Variants in NIM1K observed in about 807,000 individuals in gnomAD.
The protein encoded by NIM1K is NIM1 serine/threonine protein kinase.
In NIM1K, 35 loss-of-function variants were observed where a neutral mutation model predicts 37.1. The observed-to-expected ratio is 0.94, with a 90% confidence interval of 0.72 to 1.25. The LOEUF is 1.25. Among genes scored for constraint, NIM1K ranks in the 50% most tolerant of loss-of-function variants. The pLI, the probability that NIM1K is intolerant of heterozygous loss-of-function variation, is 0.00. For missense variants in NIM1K, 564 were observed against 548.0 expected (o/e 1.03, Z -0.29); for synonymous variants, 234 against 206.6 (o/e 1.13, Z -1.14).
chr5:43,232,470 C>G, intron 1 of NIM1K: 1 of 1,501,244 alleles, frequency 6.7e-7, no homozygotes, highest in Non-Finnish European at 9.3e-7. Flanking sequence ...ATGGAGGACA[C>G]AATTTGACCT....
chr5:43,258,446 T>C (rs1262969788), intron 2 of NIM1K, among the ~76,000 whole-genome samples: 1 of 146,282 alleles, frequency 6.8e-6, no homozygotes, highest in Non-Finnish European at 1.5e-5. Flanking sequence ...TTGGTAAACT[T>C]TTTTTTTTTT....
At chr5:43,202,502 G>T (rs1752045517) in intron 1 of NIM1K, among the ~76,000 whole-genome samples, 1 of 152,124 alleles carries the variant, frequency 6.6e-6, no homozygotes, top group African/African-American at 2.4e-5. Flanking sequence ...CAAAATGCGA[G>T]ATTAAAAAAT....
chr5:43,198,207 CTCTTTCTTTCTTTCTT>C (rs1176718462), intron 1 of NIM1K, among the ~76,000 whole-genome samples: 49 of 48,866 alleles, frequency 1.0e-3, no homozygotes, highest in Non-Finnish European at 1.5e-3. Flanking sequence ...TTCTTTCTTT[CTCTTTCTTTCTTTCTT>C]TCTTTCTTTC....
At chr5:43,269,861 A>T (rs1461792919) in intron 2 of NIM1K, among the ~76,000 whole-genome samples, 5 of 151,164 alleles carry the variant, frequency 3.3e-5, no homozygotes, top group African/African-American at 1.2e-4. Context: ...CTCGTGATCC[A>T]CCCCCCTTGG....
intron 1 of NIM1K, among the ~76,000 whole-genome samples, chr5:43,217,837 G>A (rs932899731): frequency 2.0e-5 from 3 of 150,012 alleles, no homozygotes; most frequent in Non-Finnish European, 4.4e-5. Context: ...TCAGCCTCCC[G>A]AGTACCTGGG....
intron 1 of NIM1K, among the ~76,000 whole-genome samples, chr5:43,241,396 C>T (rs1450110399): frequency 8.1e-5 from 12 of 148,186 alleles, no homozygotes; most frequent in African/African-American, 3.0e-4. Context: ...GTTGTGCTAT[C>T]TCGGCACTCG....
In NIM1K at chr5:43,263,730, T is replaced by A. The variant is rs1013929271; in HGVS notation, c.293-13327T>A. ...GTGATGTTAGGGTGTCAATTTTAGA[T>A]CTTTCCTGCTTTCTCTTGTGAGCAT... On this transcript the variant is annotated intron_variant, in intron 2 of 3. Coordinates refer to ENST00000326035, the MANE Select transcript of NIM1K (RefSeq NM_153361.4). Among the ~76,000 whole-genome samples, 26 of 152,374 alleles carry A rather than the reference T, an allele frequency of 1.7e-4. 1 individual carries two copies. Among genetic ancestry groups the A allele is most frequent in the African/African-American group, 6.3e-4 (26 of 41,598 alleles).
In NIM1K at chr5:43,245,916, C is replaced by T; in HGVS notation, c.141C>T (p.Pro47=). The change falls in exon 2 of 4, where the codon CCC becomes CCT. Residue 47 remains proline (P), a synonymous_variant. Coordinates refer to ENST00000326035, the MANE Select transcript of NIM1K (RefSeq NM_153361.4). ...GEEGQPRQLT[P]FEKLTQDMSQ... is the part of the protein sequence containing the mutation. ...AGGGACAGCCCCGCCAGCTGACGCCCTTCGAGAAACTGACACAGGACATGT... is the reference window on the plus strand; with the variant it reads ...AGGGACAGCCCCGCCAGCTGACGCCTTTCGAGAAACTGACACAGGACATGT... 1.9e-6 allele frequency: 3 copies of T among 1,614,134 alleles called. No homozygotes were observed. The highest frequency in any genetic ancestry group is 2.5e-6 in the Non-Finnish European group (3 of 1,180,018).
intron 1 of NIM1K, among the ~76,000 whole-genome samples, chr5:43,244,620 A>T (rs7734884): frequency 0.29 from 44,731 of 152,106 alleles, 7,234 homozygotes; most frequent in East Asian, 0.68. Flanking sequence ...TCATAAAATG[A>T]CATAGGAAGA....
intron 2 of NIM1K, among the ~76,000 whole-genome samples, chr5:43,270,995 A>T (rs1252389817): frequency 6.6e-6 from 1 of 152,008 alleles, no homozygotes; most frequent in African/African-American, 2.4e-5. Flanking sequence ...ATTTGTCTTC[A>T]TGTTTATATC....
intron 2 of NIM1K, among the ~76,000 whole-genome samples, chr5:43,267,227 GT>G (rs1376291419): frequency 1.3e-5 from 2 of 152,010 alleles, no homozygotes; most frequent in Non-Finnish European, 2.9e-5. Flanking sequence ...TTTCTTCTAT[GT>G]TTTTTAGTTT....
At position 43,198,863 on chromosome 5, in the gene NIM1K, A is replaced by T. The variant is rs80076813; in HGVS notation, c.-695+6452A>T. On this transcript the variant is annotated intron_variant, in intron 1 of 3. Coordinates refer to ENST00000326035, the MANE Select transcript of NIM1K (RefSeq NM_153361.4). ...CTGAAAAATGAGGATAATAGCAGGC[A>T]CCTTTTAGGGCTGTTGTAAAGATTT... is the stretch of plus-strand genomic sequence containing the variant. 0.011 allele frequency among the ~76,000 whole-genome samples: 1,658 copies of T among 152,182 alleles called. 111 individuals are homozygous for T. The East Asian group carries it at 0.2, about 19-fold the overall frequency.
intron 1 of NIM1K, among the ~76,000 whole-genome samples, chr5:43,196,188 T>A (rs1306071340): frequency 6.6e-6 from 1 of 152,184 alleles, no homozygotes; most frequent in Non-Finnish European, 1.5e-5. Context: ...GCTTTCTGTG[T>A]CTCTATTTGT....
rs1357017484 is a variant in NIM1K at position 43,244,327 on chromosome 5, G to A, written c.-694-755G>A. On this transcript the variant is annotated intron_variant, in intron 1 of 3. Coordinates refer to ENST00000326035, the MANE Select transcript of NIM1K (RefSeq NM_153361.4). The stretch of plus-strand genomic sequence containing the variant: ...TTTTGAAGGAGAGAGGAGGTGAGCA[G>A]GACATACCTACAAGTCAAAACCAGT... Among the ~76,000 whole-genome samples the A allele has an allele frequency of 2.0e-5, 3 of 152,208 alleles. 1 individual carries two copies. Among genetic ancestry groups the A allele is most frequent in the Non-Finnish European group, 2.9e-5 (2 of 68,046 alleles).
chr5:43,205,027 A>G (rs1561072213), intron 1 of NIM1K, among the ~76,000 whole-genome samples: 2 of 152,180 alleles, frequency 1.3e-5, no homozygotes, highest in Admixed American at 6.5e-5. Flanking sequence ...ACAAAAAAAC[A>G]AAAACAAGGC....
At chr5:43,250,701 T>C (rs1035168924) in intron 2 of NIM1K, among the ~76,000 whole-genome samples, 2 of 152,086 alleles carry the variant, frequency 1.3e-5, no homozygotes, top group African/African-American at 4.8e-5. Context: ...ATTTGGAAGG[T>C]TACAAGAGAA....
chr5:43,223,398 C>A (rs1752409129), intron 1 of NIM1K, among the ~76,000 whole-genome samples: 1 of 152,104 alleles, frequency 6.6e-6, no homozygotes, highest in South Asian at 2.1e-4. Flanking sequence ...TAGAATAATG[C>A]CTACCACATA....
At chr5:43,256,339 A>G (rs1320071825) in intron 2 of NIM1K, among the ~76,000 whole-genome samples, 1 of 152,198 alleles carries the variant, frequency 6.6e-6, no homozygotes, top group African/African-American at 2.4e-5. Context: ...CGGTATTTAA[A>G]AGGCTAAAGA....
chr5:43,204,562 G>T (rs564675785), intron 1 of NIM1K, among the ~76,000 whole-genome samples: 1 of 151,696 alleles, frequency 6.6e-6, no homozygotes, highest in African/African-American at 2.4e-5. Flanking sequence ...AAAATTAGGC[G>T]GGCATGGTGG....
Sources: gnomAD v4.1 joint callset for allele counts (sites outside exome capture counted in the v4.1 genomes callset) on GRCh38, gnomAD v4.1.1 for gene constraint, MANE v1.5 for transcripts, NCBI Gene and HGNC (gene_info 2026-07-23, HGNC 2026-07-21) for gene names.